Variants in MAGI3 observed in about 807,000 individuals in gnomAD.
The protein encoded by MAGI3 is membrane associated guanylate kinase, WW and PDZ domain containing 3.
A neutral mutation model predicts 121.8 loss-of-function variants in MAGI3; 43 were observed. That is an observed-to-expected ratio of 0.35 (90% confidence interval 0.28 to 0.46). The LOEUF (loss-of-function observed/expected upper bound fraction) is 0.46, where lower values mean the gene tolerates loss of function less well. MAGI3 is among the 20% of genes least tolerant of loss of function. MAGI3 has a pLI of 1.00. For missense variants in MAGI3, 1,547 were observed against 1,797.3 expected, an observed-to-expected ratio of 0.86 and a Z score of 2.52; for synonymous variants, 553 against 639.3, an observed-to-expected ratio of 0.86 and a Z score of 2.04.
intron 2 of MAGI3, among the ~76,000 whole-genome samples, chr1:113,559,816 T>A (rs889569290): frequency 6.6e-6 from 1 of 152,134 alleles, no homozygotes; most frequent in African/African-American, 2.4e-5. Flanking sequence ...AGTGGTCTAC[T>A]CATCTTGGCC....
At chr1:113,513,553 T>C (rs10857999) in intron 1 of MAGI3, among the ~76,000 whole-genome samples, 119,914 of 151,864 alleles carry the variant, frequency 0.79, 47,813 homozygotes, top group African/African-American at 0.91. Flanking sequence ...ATAAATGGTG[T>C]TGGGAAAACT....
At chr1:113,497,164 C>A (rs533854647) in intron 1 of MAGI3, among the ~76,000 whole-genome samples, 1 of 151,960 alleles carries the variant, frequency 6.6e-6, no homozygotes, top group Non-Finnish European at 1.5e-5. Flanking sequence ...GGCTGAGGTG[C>A]GTGGATCACT....
intron 1 of MAGI3, among the ~76,000 whole-genome samples, chr1:113,462,827 A>G (rs897818566): frequency 2.0e-5 from 3 of 152,154 alleles, no homozygotes; most frequent in Non-Finnish European, 1.5e-5. Context: ...TTAGATTTTT[A>G]AAAATATAGT....
At chr1:113,449,685 G>A in intron 1 of MAGI3, 2 of 789,510 alleles carry the variant, frequency 2.5e-6, no homozygotes, top group Non-Finnish European at 4.5e-6. Flanking sequence ...TGGAAGAGGC[G>A]AGTCTGGTCT....
At chr1:113,417,702 C>T (rs1191918731) in intron 1 of MAGI3, among the ~76,000 whole-genome samples, 2 of 152,022 alleles carry the variant, frequency 1.3e-5, no homozygotes, top group Admixed American at 1.3e-4. Context: ...ATGTTTCTTC[C>T]CTCATTCATA....
chr1:113,468,906 A>C (rs1173025340), intron 1 of MAGI3, among the ~76,000 whole-genome samples: 3 of 152,120 alleles, frequency 2.0e-5, no homozygotes, highest in African/African-American at 7.2e-5. Flanking sequence ...TTTCATTTTA[A>C]TCTTGACTAT....
rs1652766434 is a variant in MAGI3, at chr1:113,422,336, G to A, written c.316+30987G>A. Among the ~76,000 whole-genome samples, 1 of 152,156 alleles carries A rather than the reference G, an allele frequency of 6.6e-6. No homozygotes were observed. Among genetic ancestry groups the A allele is most frequent in the Admixed American group, 6.5e-5 (1 of 15,270 alleles). ...GTGTATGTGTGACAGCATCCTTAGG[G>A]TGTTGCTTCACTAGCCGGAAACTTC... On this transcript the variant is annotated intron_variant, in intron 1 of 20. Transcript: ENST00000307546. The surrounding 1 kb of genome is among the most constrained non-coding windows in gnomAD (Gnocchi z 4.3).
intron 9 of MAGI3, among the ~76,000 whole-genome samples, chr1:113,629,709 A>C (rs1473439272): frequency 6.6e-6 from 1 of 151,424 alleles, no homozygotes; most frequent in Non-Finnish European, 1.5e-5. Flanking sequence ...ACATTCTTCC[A>C]AACAAACAAA....
intron 16 of MAGI3, among the ~76,000 whole-genome samples, chr1:113,670,644 G>C (rs1376718256): frequency 1.3e-5 from 2 of 152,184 alleles, no homozygotes. Flanking sequence ...TGATGATGAT[G>C]ATGATGATGA....
At chr1:113,504,204 G>A (rs547550824) in intron 1 of MAGI3, among the ~76,000 whole-genome samples, 1 of 151,760 alleles carries the variant, frequency 6.6e-6, no homozygotes, top group East Asian at 1.9e-4. Flanking sequence ...CTAGAAACTA[G>A]ACAAAGAAAA....
chr1:113,639,336 G>C (rs1652292316), intron 9 of MAGI3, among the ~76,000 whole-genome samples: 1 of 152,218 alleles, frequency 6.6e-6, no homozygotes. Flanking sequence ...CGCTCACGCT[G>C]GGAACTGTAG....
At chr1:113,609,799 G>A (rs1453272740) in intron 6 of MAGI3, among the ~76,000 whole-genome samples, 3 of 152,128 alleles carry the variant, frequency 2.0e-5, no homozygotes, top group African/African-American at 7.2e-5. Flanking sequence ...AAATAGTTTT[G>A]TCTTTTGAAA....
At chr1:113,675,074 C>T (rs1233004682) in intron 19 of MAGI3, among the ~76,000 whole-genome samples, 1 of 152,104 alleles carries the variant, frequency 6.6e-6, no homozygotes, top group East Asian at 1.9e-4. Context: ...ATATAAAAGC[C>T]GATGGGTCGC....
chr1:113,562,400 C>CA (rs375105050), intron 2 of MAGI3, among the ~76,000 whole-genome samples: 69 of 148,702 alleles, frequency 4.6e-4, no homozygotes, highest in South Asian at 1.5e-3. Context: ...GACTCCATCT[C>CA]AAAAAAAAAG....
chr1:113,549,446 T>C (rs1221513440), intron 1 of MAGI3, 69 bp from the exon 2 acceptor site: 6 of 801,006 alleles, frequency 7.5e-6, no homozygotes, highest in Non-Finnish European at 1.2e-5. Flanking sequence ...GTTACTAGCT[T>C]CTATATTTAA....
chr1:113,601,977 A>G (rs1202350614), intron 6 of MAGI3, among the ~76,000 whole-genome samples: 1 of 151,962 alleles, frequency 6.6e-6, no homozygotes, highest in Non-Finnish European at 1.5e-5. Flanking sequence ...CAAGAACAAA[A>G]AACCAAACAC....
intron 1 of MAGI3, among the ~76,000 whole-genome samples, chr1:113,518,169 A>G (rs1230743004): frequency 6.6e-6 from 1 of 152,042 alleles, no homozygotes; most frequent in Admixed American, 6.6e-5. Context: ...TAGAGTGCAA[A>G]GAGTCTATCT....
chr1:113,666,427 C>A (rs1654047215), intron 16 of MAGI3, among the ~76,000 whole-genome samples: 1 of 152,180 alleles, frequency 6.6e-6, no homozygotes, highest in Admixed American at 6.5e-5. Context: ...GGAGTAGATT[C>A]CATCTCAAGA....
intron 1 of MAGI3, among the ~76,000 whole-genome samples, chr1:113,431,664 G>T (rs963224156): frequency 6.6e-5 from 10 of 152,104 alleles, no homozygotes; most frequent in Non-Finnish European, 1.3e-4. Context: ...GAACAGACAT[G>T]TAAGATCTTT....
Sources: allele counts gnomAD v4.1 joint callset (sites outside exome capture counted in the v4.1 genomes callset), GRCh38; gene constraint gnomAD v4.1.1; non-coding constraint Gnocchi (gnomAD v3.1); transcripts MANE v1.5; gene names NCBI Gene and HGNC (gene_info 2026-07-23, HGNC 2026-07-21).